The following DENND1B variants were observed in gnomAD, a reference collection of about 807,000 sequenced individuals.
DENND1B encodes DENN domain-containing protein 1B.
Under a neutral mutation model 90.1 loss-of-function variants are expected in DENND1B, and 59 were observed. The observed-to-expected ratio is 0.65, with a 90% confidence interval of 0.53 to 0.81. DENND1B has a LOEUF of 0.81. DENND1B is among the 40% of genes least tolerant of loss of function. DENND1B has a pLI of 0.00. For synonymous variants in DENND1B, 337 were observed against 324.6 expected, an observed-to-expected ratio of 1.04 and a Z score of -0.41; for missense variants, 862 against 912.6, an observed-to-expected ratio of 0.94 and a Z score of 0.71.
At chr1:197,624,467 C>T (rs1225321064) in intron 10 of DENND1B, among the ~76,000 whole-genome samples, 1 of 151,570 alleles carries the variant, frequency 6.6e-6, no homozygotes, top group African/African-American at 2.4e-5. Context: ...CTATAAAACT[C>T]CTAGAGGATA....
Position 197,700,998 on chromosome 1 carries a change from A to C in DENND1B, c.126+14033T>G, listed in dbSNP as rs141075226. On this transcript the variant is annotated intron_variant, in intron 3 of 22. Coordinates refer to ENST00000620048, the MANE Select transcript of DENND1B (RefSeq NM_001195215.2). ...GTTGGTGGGAATGTAAATTAGTTCA[A>C]CCATTGTAGAAGACAGTGTGGTGAT... 5.3e-4 allele frequency among the ~76,000 whole-genome samples: 80 copies of C among 152,342 alleles called. No individual in the cohort carries two copies. The East Asian group carries it at 0.015, about 29-fold the overall frequency.
intron 2 of DENND1B, among the ~76,000 whole-genome samples, chr1:197,754,659 CAAAAAAAAAAAAA>C (rs57926782): frequency 5.5e-5 from 4 of 72,894 alleles, no homozygotes; most frequent in African/African-American, 1.1e-4. Context: ...GACTCTGTCT[CAAAAAAAAAAAAA>C]AAAAAAAAAA....
At chr1:197,568,655 C>T (rs1392025547) in intron 15 of DENND1B, among the ~76,000 whole-genome samples, 2 of 152,018 alleles carry the variant, frequency 1.3e-5, no homozygotes, top group African/African-American at 4.8e-5. Context: ...AACAGATATA[C>T]AGACATATGA....
Position 197,545,961 on chromosome 1 carries a change from C to G in DENND1B, c.1311G>C (p.Met437Ile). Reference protein sequence around the residue: ...KKGGALFNTAMTKATPAVRTA... With the variant: ...KKGGALFNTAITKATPAVRTA... Reference sequence around the variant, plus strand: ...TCCGTACAGCAGGGGTTGCTTTGGTCATTGCTGTGTTGAACAGTGCACCTC... The same window carrying G: ...TCCGTACAGCAGGGGTTGCTTTGGTGATTGCTGTGTTGAACAGTGCACCTC... Residue 437 changes from methionine to isoleucine, a missense_variant, in exon 18 of 23, where the codon ATG becomes ATC. Transcript: ENST00000620048. 1.2e-6 allele frequency: 2 copies of G among 1,607,694 alleles called. No individual in the cohort carries two copies. The highest frequency in any genetic ancestry group is 1.7e-6 in the Non-Finnish European group (2 of 1,178,526).
intron 18 of DENND1B, among the ~76,000 whole-genome samples, chr1:197,543,349 C>A (rs1203444587): frequency 2.0e-5 from 3 of 152,098 alleles, no homozygotes. Context: ...GGGTTTTGAA[C>A]ATGTTTGCTT....
chr1:197,597,902 C>T (rs1675852983), intron 13 of DENND1B, among the ~76,000 whole-genome samples: 1 of 151,676 alleles, frequency 6.6e-6, no homozygotes, highest in African/African-American at 2.4e-5. Context: ...ATTTAGAAGA[C>T]TCAGTACAAA....
At chr1:197,538,969 G>A (rs1381154621) in intron 20 of DENND1B, among the ~76,000 whole-genome samples, 1 of 152,062 alleles carries the variant, frequency 6.6e-6, no homozygotes, top group East Asian at 1.9e-4. Context: ...AGGTGCCAGT[G>A]CCTTGATCTT....
At chr1:197,568,517 A>C (rs1470686082) in intron 15 of DENND1B, among the ~76,000 whole-genome samples, 1 of 152,158 alleles carries the variant, frequency 6.6e-6, no homozygotes, top group African/African-American at 2.4e-5. Flanking sequence ...TTCATATGGA[A>C]CCACAAAAGA....
chr1:197,684,332 G>C (rs1657010067), intron 3 of DENND1B, among the ~76,000 whole-genome samples: 1 of 152,114 alleles, frequency 6.6e-6, no homozygotes, highest in Non-Finnish European at 1.5e-5. Context: ...AATAGAGTTA[G>C]GATTTGAAAA....
intron 20 of DENND1B, among the ~76,000 whole-genome samples, chr1:197,539,524 T>A (rs1032527703): frequency 2.0e-5 from 3 of 152,210 alleles, no homozygotes; most frequent in Non-Finnish European, 4.4e-5. Flanking sequence ...TAACTATTTA[T>A]AGCAAATAAA....
At chr1:197,552,748 TG>T in intron 16 of DENND1B, 1 of 1,211,504 alleles carries the variant, frequency 8.3e-7, no homozygotes, top group Non-Finnish European at 1.0e-6. Context: ...ATGAGTTGAT[TG>T]GATTTCTGTA....
chr1:197,566,594 C>T (rs1291095910), intron 15 of DENND1B, among the ~76,000 whole-genome samples: 2 of 151,912 alleles, frequency 1.3e-5, no homozygotes, highest in Non-Finnish European at 2.9e-5. Context: ...CATGCATATT[C>T]CTTATAATAG....
At chr1:197,579,337 G>A (rs1316314949) in intron 15 of DENND1B, among the ~76,000 whole-genome samples, 2 of 152,112 alleles carry the variant, frequency 1.3e-5, no homozygotes, top group Non-Finnish European at 2.9e-5. Flanking sequence ...TCAACACACT[G>A]AAGATATCAT....
At chr1:197,648,949 C>G (rs575630543) in intron 7 of DENND1B, among the ~76,000 whole-genome samples, 1 of 152,290 alleles carries the variant, frequency 6.6e-6, no homozygotes, top group East Asian at 1.9e-4. Context: ...ACCCAGTCTA[C>G]AAATGACTAT....
chr1:197,775,128 C>T lies in DENND1B; in HGVS notation c.17+11G>A. The T allele has an allele frequency of 7.8e-7, 1 of 1,288,150 alleles. No homozygotes were observed. The allele number at this position is 1,288,150 out of a possible 1,614,324, so 79.8% of individuals were successfully genotyped here. A position where few individuals can be genotyped will look rare whatever the true frequency, so the allele number is the denominator to read the frequency against. On this transcript the variant is annotated intron_variant, in intron 1 of 22. Transcript: ENST00000620048. ...CGCCCGCCCCCGACGCGCCCGGGCC[C>T]CCCCACTCACTTGGTCCTGCAGTCC...
chr1:197,568,044 C>CAGGG (rs1282847910), intron 15 of DENND1B, among the ~76,000 whole-genome samples: 2 of 139,032 alleles, frequency 1.4e-5, no homozygotes, highest in Non-Finnish European at 3.1e-5. Flanking sequence ...GGAAGGCAGG[C>CAGGG]AGGGAGGGAG....
chr1:197,535,532 A>C (rs1286769002), intron 20 of DENND1B, among the ~76,000 whole-genome samples: 3 of 152,246 alleles, frequency 2.0e-5, no homozygotes, highest in Non-Finnish European at 4.4e-5. Context: ...TGTCATTAAA[A>C]GTTTATGAAT....
intron 3 of DENND1B, among the ~76,000 whole-genome samples, chr1:197,700,554 C>T (rs1558418886): frequency 6.6e-6 from 1 of 152,070 alleles, no homozygotes; most frequent in Non-Finnish European, 1.5e-5. Context: ...CAGACATGGG[C>T]AAAGACTTCA....
upstream of DENND1B, among the ~76,000 whole-genome samples, chr1:197,777,819 AT>A (rs1041746562): frequency 1.3e-5 from 2 of 152,054 alleles, no homozygotes; most frequent in African/African-American, 4.8e-5. Context: ...AATTTAGTTA[AT>A]TTTTTAAATG....
Sources: allele counts gnomAD v4.1 joint callset (sites outside exome capture counted in the v4.1 genomes callset), GRCh38; gene constraint gnomAD v4.1.1; transcripts MANE v1.5; gene names NCBI Gene and HGNC (gene_info 2026-07-23, HGNC 2026-07-21).